Variants in C1QTNF9 observed in about 807,000 individuals in gnomAD.
C1QTNF9 encodes C1q and TNF related 9, also known as complement C1q and tumor necrosis factor-related protein 9A.
In C1QTNF9, 6 loss-of-function variants were observed where a neutral mutation model predicts 10.1. The observed-to-expected ratio is 0.59, with a 90% confidence interval of 0.32 to 1.17. The LOEUF is 1.17. Among genes scored for constraint, C1QTNF9 ranks in the 50% most tolerant of loss-of-function variants. C1QTNF9 has a pLI of 0.04. For missense variants in C1QTNF9, 201 were observed against 418.8 expected, an observed-to-expected ratio of 0.48 and a Z score of 4.54; for synonymous variants, 98 against 163.5, an observed-to-expected ratio of 0.60 and a Z score of 3.06.
chr13:24,320,106 C>T (rs1423347279), intron 3 of C1QTNF9, among the ~76,000 whole-genome samples: 1 of 151,898 alleles, frequency 6.6e-6, no homozygotes, highest in East Asian at 1.9e-4. Flanking sequence ...GGCAATGCCT[C>T]GATGCAGGCT....
intron 2 of C1QTNF9, among the ~76,000 whole-genome samples, chr13:24,316,594 T>A (rs902240516): frequency 6.6e-6 from 1 of 152,232 alleles, no homozygotes; most frequent in Non-Finnish European, 1.5e-5. Flanking sequence ...CCAGCTGCAG[T>A]GCAGGTGAGA....
chr13:24,318,264 G>A (rs915315381), intron 2 of C1QTNF9, among the ~76,000 whole-genome samples: 10 of 152,218 alleles, frequency 6.6e-5, no homozygotes, highest in African/African-American at 2.4e-4. Flanking sequence ...GATGTTCTCT[G>A]CCAGCTTGAT....
At chr13:24,311,938 C>G (rs1367686912) in intron 1 of C1QTNF9, among the ~76,000 whole-genome samples, 1 of 152,198 alleles carries the variant, frequency 6.6e-6, no homozygotes, top group Admixed American at 6.5e-5. Flanking sequence ...CACACAATTA[C>G]ACGTCTCACT....
At chr13:24,322,384 T>A (rs1211384917) in exon 4 of C1QTNF9, 8 of 152,278 alleles carry the variant, frequency 5.3e-5, no homozygotes. Flanking sequence ...GTGCTCTCCC[T>A]CCCACTTTGC....
chr13:24,307,783 A>G (rs1199840818), upstream of C1QTNF9, among the ~76,000 whole-genome samples: 2 of 152,154 alleles, frequency 1.3e-5, no homozygotes, highest in African/African-American at 4.8e-5. Context: ...TGGGGAGATG[A>G]CCGTTAGGTC....
chr13:24,312,047 C>T (rs1014806467), intron 1 of C1QTNF9, among the ~76,000 whole-genome samples: 4 of 152,192 alleles, frequency 2.6e-5, no homozygotes, highest in African/African-American at 9.7e-5. Context: ...AGAAGCCCAG[C>T]TAAAATTTCT....
intron 1 of C1QTNF9, 138 bp from the exon 2 acceptor site, chr13:24,315,844 G>C (rs1877999692): frequency 1.1e-6 from 1 of 876,290 alleles, no homozygotes; most frequent in African/African-American, 1.7e-5. Context: ...CCTGCCCTGA[G>C]CCTTCTGTCC....
chr13:24,316,706 A>G (rs1259954065), intron 2 of C1QTNF9, among the ~76,000 whole-genome samples: 9 of 152,160 alleles, frequency 5.9e-5, no homozygotes, highest in South Asian at 2.1e-4. Flanking sequence ...ATGCATCTAT[A>G]TGACCTAGGT....
At chr13:24,312,345 T>A (rs531647062) in intron 1 of C1QTNF9, among the ~76,000 whole-genome samples, 1 of 144,560 alleles carries the variant, frequency 6.9e-6, no homozygotes, top group South Asian at 2.2e-4. Context: ...AAGTGGGGAC[T>A]GGGGAGGACA....
intron 2 of C1QTNF9, among the ~76,000 whole-genome samples, chr13:24,317,919 C>T (rs1167932645): frequency 3.9e-5 from 6 of 152,114 alleles, no homozygotes; most frequent in Admixed American, 1.3e-4. Context: ...AGAGGTCCCA[C>T]GCTGACCAAG....
At chr13:24,311,817 C>T (rs191614510) in intron 1 of C1QTNF9, among the ~76,000 whole-genome samples, 13 of 152,316 alleles carry the variant, frequency 8.5e-5, no homozygotes, top group Admixed American at 3.9e-4. Context: ...GTTTTTCTAT[C>T]CCCAAATTGT....
chr13:24,315,277 A>G (rs1565955733), intron 1 of C1QTNF9, among the ~76,000 whole-genome samples: 1 of 152,076 alleles, frequency 6.6e-6, no homozygotes. Context: ...GGCTCTAGGA[A>G]CCTCTTATAG....
chr13:24,315,776 C>T, intron 1 of C1QTNF9: 1 of 566,870 alleles, frequency 1.8e-6, no homozygotes, highest in Non-Finnish European at 3.1e-6. Flanking sequence ...AGAGTGGTTC[C>T]AATCACAAGT....
chr13:24,317,492 C>A (rs1878086453), intron 2 of C1QTNF9, among the ~76,000 whole-genome samples: 1 of 151,916 alleles, frequency 6.6e-6, no homozygotes, highest in African/African-American at 2.4e-5. Context: ...TTCTTAGAAG[C>A]AAATTATGTA....
rs146441364 is a variant in C1QTNF9 at position 24,317,354 on chromosome 13, G to A, written c.166+1185G>A. On this transcript the variant is annotated intron_variant, in intron 2 of 3. Coordinates refer to ENST00000332018, the Ensembl canonical transcript of C1QTNF9. ...TTTTACACACAAAAGGAGATAAATA[G>A]GTGATAGATAAAAAATAGAGGACAA... Among the ~76,000 whole-genome samples the A allele has an allele frequency of 8.1e-3, 1,227 of 151,842 alleles. 11 individuals carry two copies. Among genetic ancestry groups the A allele is most frequent in the African/African-American group, 0.028 (1,163 of 41,394 alleles).
At chr13:24,320,888 C>A (rs1269551597) in intron 3 of C1QTNF9, 108 bp from the exon 4 acceptor site, 15 of 1,180,168 alleles carry the variant, frequency 1.3e-5, no homozygotes, top group Admixed American at 9.4e-5. Flanking sequence ...ATATACTGAA[C>A]CTGTGCACTA....
exon 4 of C1QTNF9, chr13:24,321,875 T>C: frequency 7.2e-7 from 1 of 1,388,848 alleles, no homozygotes; most frequent in East Asian, 2.5e-5. Context: ...ACAATAATCA[T>C]AAAAAGGTGA....
rs186354383 is a variant in C1QTNF9 at position 24,314,689 on chromosome 13, A to C, written c.-22-1293A>C. Among the ~76,000 whole-genome samples the C allele has an allele frequency of 1.7e-4, 26 of 152,212 alleles. No individual in the cohort carries two copies. The East Asian group carries it at 1.7e-3, about 10-fold the overall frequency. ...CTGCATCTCGAAAACAAAACAAAAC[A>C]AAACCAAACCCAGGTGTGGTGGTGC... On this transcript the variant is annotated intron_variant, in intron 1 of 3. Transcript: ENST00000332018.
intron 1 of C1QTNF9, among the ~76,000 whole-genome samples, chr13:24,315,088 G>A (rs750377570): frequency 4.6e-5 from 7 of 152,050 alleles, no homozygotes; most frequent in African/African-American, 7.3e-5. Flanking sequence ...CATCTTAAGG[G>A]CACAATTCAG....
Sources: allele counts gnomAD v4.1 joint callset (sites outside exome capture counted in the v4.1 genomes callset), GRCh38; gene constraint gnomAD v4.1.1; transcripts MANE v1.5; gene names NCBI Gene and HGNC (gene_info 2026-07-23, HGNC 2026-07-21).